Variants in PLCL1 observed in about 807,000 individuals in gnomAD.
The protein encoded by PLCL1 is phospholipase C like 1 (inactive).
A neutral mutation model predicts 84.4 loss-of-function variants in PLCL1; 41 were observed. The ratio of observed to expected loss-of-function variants is 0.49; its 90% CI spans 0.38 to 0.63. The LOEUF (loss-of-function observed/expected upper bound fraction) is 0.63, where lower values mean the gene tolerates loss of function less well. Ranked by LOEUF, PLCL1 falls within the 30% of genes least tolerant of loss-of-function variation. The pLI, the probability that PLCL1 is intolerant of heterozygous loss-of-function variation, is 0.00. For synonymous variants in PLCL1, 490 were observed against 488.3 expected, an observed-to-expected ratio of 1.00 and a Z score of -0.05; for missense variants, 1,206 against 1,367.8, an observed-to-expected ratio of 0.88 and a Z score of 1.87.
chr2:197,891,058 G>C (rs956398882), intron 1 of PLCL1, among the ~76,000 whole-genome samples: 2 of 150,278 alleles, frequency 1.3e-5, no homozygotes. Flanking sequence ...TTTTTACTTA[G>C]TATAAGTAAT....
At chr2:198,069,905 C>T (rs1692421170) in intron 1 of PLCL1, among the ~76,000 whole-genome samples, 2 of 152,050 alleles carry the variant, frequency 1.3e-5, no homozygotes, top group Admixed American at 1.3e-4. Context: ...GATAAGGACC[C>T]TCTATTAAAG....
At chr2:197,857,513 G>C (rs1687353409) in intron 1 of PLCL1, among the ~76,000 whole-genome samples, 1 of 152,146 alleles carries the variant, frequency 6.6e-6, no homozygotes, top group Non-Finnish European at 1.5e-5. Flanking sequence ...TCAGCTGATT[G>C]TATCAGTTTA....
intron 1 of PLCL1, among the ~76,000 whole-genome samples, chr2:198,073,004 A>T (rs1692499370): frequency 6.6e-6 from 1 of 152,168 alleles, no homozygotes. Flanking sequence ...GCTAGGAATT[A>T]TATTTTTTTG....
intron 1 of PLCL1, among the ~76,000 whole-genome samples, chr2:197,941,140 G>T (rs1312857590): frequency 6.6e-6 from 1 of 152,136 alleles, no homozygotes; most frequent in Non-Finnish European, 1.5e-5. Context: ...TAGATACCTT[G>T]TTTAAAAACA....
rs114207131 is a variant in PLCL1, at chr2:197,931,178, G to A, written c.240+125839G>A. On this transcript the variant is annotated intron_variant, in intron 1 of 5. Transcript: ENST00000428675. The stretch of plus-strand genomic sequence containing the variant: ...GGGAGGTGTCTCGGAAGGGAAGATA[G>A]AGCCTAAGAAGCAGTATCTATTGCT... Among the ~76,000 whole-genome samples the A allele has an allele frequency of 8.2e-4, 125 of 152,298 alleles. 2 individuals carry two copies. Among genetic ancestry groups the A allele is most frequent in the Admixed American group, 1.8e-3 (27 of 15,288 alleles).
At chr2:197,975,505 T>C (rs1689961942) in intron 1 of PLCL1, among the ~76,000 whole-genome samples, 1 of 152,138 alleles carries the variant, frequency 6.6e-6, no homozygotes, top group Admixed American at 6.5e-5. Flanking sequence ...ATCATCTACA[T>C]TTCTGTCTTT....
At chr2:198,004,532 G>A (rs1690681352) in intron 1 of PLCL1, among the ~76,000 whole-genome samples, 3 of 152,090 alleles carry the variant, frequency 2.0e-5, no homozygotes, top group Admixed American at 1.3e-4. Flanking sequence ...AGTCAAGTTC[G>A]TGATGTATTT....
chr2:198,017,463 A>G (rs1029035634), intron 1 of PLCL1, among the ~76,000 whole-genome samples: 5 of 152,250 alleles, frequency 3.3e-5, no homozygotes, highest in Non-Finnish European at 5.9e-5. Context: ...GAATCTAGGA[A>G]AGATTTTCCA....
At chr2:198,035,461 A>G (rs1345990679) in intron 1 of PLCL1, among the ~76,000 whole-genome samples, 1 of 152,238 alleles carries the variant, frequency 6.6e-6, no homozygotes, top group Non-Finnish European at 1.5e-5. Context: ...AGCCTGGAAC[A>G]GGTGTTGTTT....
chr2:197,910,191 A>G (rs1688458748), intron 1 of PLCL1, among the ~76,000 whole-genome samples: 1 of 152,114 alleles, frequency 6.6e-6, no homozygotes, highest in Admixed American at 6.5e-5. Context: ...TGAAAAGGAG[A>G]TGGATTTTGG....
chr2:197,893,225 AC>A (rs1269524984), intron 1 of PLCL1, among the ~76,000 whole-genome samples: 16 of 152,166 alleles, frequency 1.1e-4, no homozygotes, highest in African/African-American at 3.9e-4. Flanking sequence ...TGCCTTCACT[AC>A]ATATATACTG....
intron 5 of PLCL1, among the ~76,000 whole-genome samples, chr2:198,133,537 A>G (rs1694180088): frequency 6.6e-6 from 1 of 151,598 alleles, no homozygotes; most frequent in Admixed American, 6.6e-5. Context: ...AAAAAAAAAA[A>G]ACTTCCAAGT....
At chr2:198,089,102 G>T in intron 3 of PLCL1, 41 bp downstream of exon 3, 1 of 1,423,180 alleles carries the variant, frequency 7.0e-7, no homozygotes, top group South Asian at 1.1e-5. Flanking sequence ...GTGTGTGTGT[G>T]TGTGAAATCA....
chr2:197,921,061 T>C (rs1178641949), intron 1 of PLCL1, among the ~76,000 whole-genome samples: 1 of 152,222 alleles, frequency 6.6e-6, no homozygotes, highest in African/African-American at 2.4e-5. Flanking sequence ...CTAGGCTACA[T>C]GATACAACCT....
intron 1 of PLCL1, among the ~76,000 whole-genome samples, chr2:197,956,258 T>C (rs1689491643): frequency 6.6e-6 from 1 of 152,270 alleles, no homozygotes; most frequent in Middle Eastern, 3.4e-3. Flanking sequence ...CTATGCTTTG[T>C]AAATAGTGCT....
intron 1 of PLCL1, among the ~76,000 whole-genome samples, chr2:197,811,025 T>C (rs1021068742): frequency 1.5e-4 from 23 of 152,226 alleles, no homozygotes; most frequent in African/African-American, 4.8e-4. Context: ...AACTTTATTA[T>C]AGTGAAACCT....
intron 5 of PLCL1, among the ~76,000 whole-genome samples, chr2:198,108,982 A>G (rs537352270): frequency 2.1e-4 from 32 of 151,982 alleles, no homozygotes; most frequent in African/African-American, 7.0e-4. Context: ...TACCTTTTCA[A>G]GACAATCACT....
chr2:198,062,649 T>C (rs1281409526), intron 1 of PLCL1, among the ~76,000 whole-genome samples: 1 of 152,174 alleles, frequency 6.6e-6, no homozygotes, highest in Non-Finnish European at 1.5e-5. Context: ...TTCATAAGTG[T>C]ATGAAGTTGA....
Position 198,085,549 on chromosome 2 carries a change from A to G in PLCL1, c.2032A>G (p.Met678Val). 6.2e-7 allele frequency: 1 copy of G among 1,613,560 alleles called. No homozygotes were observed. Among genetic ancestry groups the G allele is most frequent in the Non-Finnish European group, 8.5e-7 (1 of 1,179,478 alleles). ...AMNFQTPGPM[M>V]DLHTGWFLQN... Reference sequence around the variant, plus strand: ...GAATTTTCAGACTCCGGGTCCAATGATGGACCTTCACACGGGCTGGTTTCT... The same window carrying G: ...GAATTTTCAGACTCCGGGTCCAATGGTGGACCTTCACACGGGCTGGTTTCT... The change falls in exon 2 of 6, where the codon ATG becomes GTG. Residue 678 changes from methionine (M) to valine (V), a missense_variant. Transcript: ENST00000428675. This position sits in a 1 kb window ranked among gnomAD's most constrained non-coding sequence, Gnocchi z 5.3.
Sources: allele counts gnomAD v4.1 joint callset (sites outside exome capture counted in the v4.1 genomes callset), GRCh38; gene constraint gnomAD v4.1.1; non-coding constraint Gnocchi (gnomAD v3.1); transcripts MANE v1.5; gene names NCBI Gene and HGNC (gene_info 2026-07-23, HGNC 2026-07-21).